Variants in TERT observed in about 807,000 individuals in gnomAD.
TERT encodes telomerase reverse transcriptase, also known as telomerase catalytic subunit.
In TERT, 42 loss-of-function variants were observed where a neutral mutation model predicts 104.0. That is an observed-to-expected ratio of 0.40 (90% CI 0.32 to 0.52). TERT has a LOEUF of 0.52. TERT is among the 20% of genes least tolerant of loss of function. The pLI is 0.43. For synonymous variants in TERT, 781 were observed against 725.6 expected (o/e 1.08, Z -1.23); for missense variants, 1,101 against 1,610.3 (o/e 0.68, Z 5.41).
rs1018793583 is a variant in TERT at position 1,294,495 on chromosome 5, G to A, written c.391C>T (p.Leu131=). Residue 131 remains leucine, a synonymous_variant, in exon 2 of 16, where the codon CTG becomes TTG. Transcript: ENST00000310581. The part of the protein sequence containing the change: ...SYLPNTVTDA[L]RGSGAWGLLL... ...AGCCCCCACGCCCCGCTCCCCCGCA[G>A]TGCGTCGGTCACCGTGTTGGGCAGG... 3 of 1,586,590 alleles carry A rather than the reference G, an allele frequency of 1.9e-6. No individual in the cohort carries two copies. Among genetic ancestry groups the A allele is most frequent in the Non-Finnish European group, 2.6e-6 (3 of 1,174,340 alleles).
Position 1,268,403 on chromosome 5 carries a change from T to C in TERT, c.2582+117A>G, listed in dbSNP as rs1373043768. 1.5e-5 allele frequency: 12 copies of C among 818,680 alleles called. No homozygotes were observed. The highest frequency in any genetic ancestry group is 2.0e-5 in the Non-Finnish European group (10 of 496,856). 50.7% of individuals were successfully genotyped at this position (818,680 alleles called of 1,614,324 possible). A position where few individuals can be genotyped will look rare whatever the true frequency, so the allele number is the denominator to read the frequency against. ...ATACCAAGAAGGGGCTGCAACCTTG[T>C]CTGGTTCCTCAAGACAGAGCAGTCA... On this transcript the variant is annotated intron_variant, in intron 9 of 15. Coordinates refer to ENST00000310581, the MANE Select transcript of TERT (RefSeq NM_198253.3). The surrounding 1 kb of genome is among the most constrained non-coding windows in gnomAD (Gnocchi z 5.5).
Position 1,294,685 on chromosome 5 carries a change from G to A in TERT, c.220-19C>T, listed in dbSNP as rs760786322. The A allele has an allele frequency of 3.8e-6, 6 of 1,589,534 alleles. No homozygotes were observed. The South Asian group carries it at 6.7e-5, about 18-fold the overall frequency. On this transcript the variant is annotated intron_variant, in intron 1 of 15. Coordinates refer to ENST00000310581, the MANE Select transcript of TERT (RefSeq NM_198253.3). Reference sequence around the variant, plus strand: ...AGGACACCTGCGGGGGAAGCGCCCTGAGTCGCCTGCGCTGCTCTCCGCATG... The same window carrying A: ...AGGACACCTGCGGGGGAAGCGCCCTAAGTCGCCTGCGCTGCTCTCCGCATG...
chr5:1,291,731 C>T (rs1302223496), intron 2 of TERT, among the ~76,000 whole-genome samples: 255 of 148,238 alleles, frequency 1.7e-3, no homozygotes, highest in Non-Finnish European at 1.7e-3. Context: ...CTGGGGGCAA[C>T]GCCTCACTCA....
In TERT at chr5:1,257,816, A is replaced by T. The variant is rs1480363556; in HGVS notation, c.3032+782T>A. ...GCAGCCTCGGCCCTGGGTAACACAA[A>T]TGCTCACACTCCTTCTCAGCCCTCA... On this transcript the variant is annotated intron_variant, in intron 13 of 15. Coordinates refer to ENST00000310581, the MANE Select transcript of TERT (RefSeq NM_198253.3). This position sits in a 1 kb window ranked among gnomAD's most constrained non-coding sequence, Gnocchi z 5.6. Among the ~76,000 whole-genome samples, 4 of 152,170 alleles carry T rather than the reference A, an allele frequency of 2.6e-5. No homozygotes were observed. The highest frequency in any genetic ancestry group is 5.9e-5 in the Non-Finnish European group (4 of 68,018).
At chr5:1,266,641 A>G (rs910996565) in intron 9 of TERT, 106 bp from the exon 10 acceptor site, 1 of 965,260 alleles carries the variant, frequency 1.0e-6, no homozygotes, top group East Asian at 2.6e-5. Context: ...TAAATAAAGT[A>G]ACATTCTCCA....
At chr5:1,258,837 G>A (rs1747949254) in intron 12 of TERT, among the ~76,000 whole-genome samples, 178 bp from the exon 13 acceptor site, 1 of 152,242 alleles carries the variant, frequency 6.6e-6, no homozygotes, top group South Asian at 2.1e-4. Context: ...GAACCACCCT[G>A]GGCGAGTCAA....
rs2126569131 is a variant in TERT at position 1,257,316 on chromosome 5, T to C, written c.3032+1282A>G. 6.6e-6 allele frequency among the ~76,000 whole-genome samples: 1 copy of C among 152,030 alleles called. No homozygotes were observed. The highest frequency in any genetic ancestry group is 1.9e-4 in the East Asian group (1 of 5,136). On this transcript the variant is annotated intron_variant, in intron 13 of 15. Transcript: ENST00000310581. The surrounding 1 kb of genome is among the most constrained non-coding windows in gnomAD (Gnocchi z 5.6). The stretch of plus-strand genomic sequence containing the variant: ...TGGGAGTTTCCCAGGAGTTTTCACC[T>C]GGGAAAACTCCTCTGACCTCATCAT...
chr5:1,281,924 C>T (rs2126648296), intron 3 of TERT, among the ~76,000 whole-genome samples: 1 of 152,168 alleles, frequency 6.6e-6, no homozygotes, highest in Non-Finnish European at 1.5e-5. Flanking sequence ...CCCGTCTCTC[C>T]TAAAAGTACA....
Position 1,292,506 on chromosome 5 carries a change from A to G in TERT, c.1573+807T>C, listed in dbSNP as rs1751056869. On this transcript the variant is annotated intron_variant, in intron 2 of 15. Transcript: ENST00000310581. The surrounding 1 kb of genome is among the most constrained non-coding windows in gnomAD (Gnocchi z 5.5). ...CCTCCCTCTACCCTGTCCTGGCACAATCAACGAACACTTTTTTTTTTTAAA... is the reference window on the plus strand; with the variant it reads ...CCTCCCTCTACCCTGTCCTGGCACAGTCAACGAACACTTTTTTTTTTTAAA... Among the ~76,000 whole-genome samples, 3 of 140,822 alleles carry G rather than the reference A, an allele frequency of 2.1e-5. No homozygotes were observed. The highest frequency in any genetic ancestry group is 7.7e-5 in the Admixed American group (1 of 13,024). The allele number at this position is 140,822 out of a possible 152,430, so 92.4% of individuals were successfully genotyped here. A position where few individuals can be genotyped will look rare whatever the true frequency, so the allele number is the denominator to read the frequency against.
chr5:1,264,320 C>A, intron 11 of TERT, 84 bp downstream of exon 11: 1 of 1,440,494 alleles, frequency 6.9e-7, no homozygotes, highest in Non-Finnish European at 9.4e-7. Flanking sequence ...CTGCCCCACA[C>A]GGAAGCAGAG....
rs978808687 is a variant in TERT, at chr5:1,282,479, G to C, written c.1719C>G (p.Leu573=). 1.2e-6 allele frequency: 2 copies of C among 1,614,064 alleles called. No individual in the cohort carries two copies. Among genetic ancestry groups the C allele is most frequent in the Admixed American group, 3.3e-5 (2 of 60,004 alleles). ...VTETTFQKNR[L]FFYRKSVWSK... is the part of the protein sequence containing the mutation. ...TCCAGACACTCTTCCGGTAGAAAAA[G>C]AGCCTGTTCTTTTGAAACGTGGTCT... Residue 573 remains leucine (L), a synonymous_variant, in exon 3 of 16, where the codon CTC becomes CTG. Transcript: ENST00000310581.
chr5:1,271,035 G>T, intron 8 of TERT, 84 bp downstream of exon 8: 1 of 1,121,116 alleles, frequency 8.9e-7, no homozygotes, highest in Non-Finnish European at 1.3e-6. Flanking sequence ...GGGCAGTGGG[G>T]AAGGGGCAGG....
rs747940807 is a variant in TERT at position 1,280,280 on chromosome 5, G to A, written c.1828C>T (p.Arg610Trp). Residue 610 changes from arginine (R) to tryptophan (W), a missense_variant, in exon 4 of 16, where the codon CGG becomes TGG. By Grantham distance (101) the Arg-to-Trp change is moderately radical (BLOSUM62 -3). This residue lies in a region of TERT where 463 missense variants were observed against 797.5 expected (regional missense o/e 0.58). Coordinates refer to ENST00000310581, the MANE Select transcript of TERT (RefSeq NM_198253.3). ...GTCAGCAGGGCGGGCCTGGCTTCCCGATGCTGCCTGACCTCTGCTTCCGAC... is the reference window on the plus strand; with the variant it reads ...GTCAGCAGGGCGGGCCTGGCTTCCCAATGCTGCCTGACCTCTGCTTCCGAC... ...ELSEAEVRQH[R>W]EARPALLTSR... 10 of 1,613,700 alleles carry A rather than the reference G, an allele frequency of 6.2e-6. No individual in the cohort carries two copies. The highest frequency in any genetic ancestry group is 3.3e-5 in the South Asian group (3 of 91,092).
Position 1,293,622 on chromosome 5 carries a change from C to G in TERT, c.1264G>C (p.Ala422Pro). The G allele has an allele frequency of 6.4e-7, 1 of 1,551,786 alleles. No homozygotes were observed. The highest frequency in any genetic ancestry group is 2.4e-5 in the East Asian group (1 of 41,322). ...HCPLRAAVTPAAGVCAREKPQ... is the reference protein window; with the variant it reads ...HCPLRAAVTPPAGVCAREKPQ... ...TTCTCCCGGGCACAGACACCGGCTGCTGGGGTGACCGCAGCTCGCAGCGGG... is the reference window on the plus strand; with the variant it reads ...TTCTCCCGGGCACAGACACCGGCTGGTGGGGTGACCGCAGCTCGCAGCGGG... The change falls in exon 2 of 16, where the codon GCA becomes CCA. Residue 422 changes from alanine to proline, a missense_variant. Physicochemically the swap from Ala to Pro is conservative, Grantham distance 27 (BLOSUM62 -1). Coordinates refer to ENST00000310581, the MANE Select transcript of TERT (RefSeq NM_198253.3).
At chr5:1,290,724 C>T (rs796225045) in intron 2 of TERT, among the ~76,000 whole-genome samples, 318 of 60,922 alleles carry the variant, frequency 5.2e-3, no homozygotes, top group Middle Eastern at 0.016. Context: ...CCGGGGACCG[C>T]GCCTCACTCA....
intron 6 of TERT, among the ~76,000 whole-genome samples, chr5:1,273,940 A>G (rs1362253697): frequency 6.6e-6 from 1 of 152,076 alleles, no homozygotes; most frequent in East Asian, 1.9e-4. Flanking sequence ...CACAGGCAGG[A>G]GAAGAGTCTG....
At position 1,255,897 on chromosome 5, in the gene TERT, G is replaced by A. The variant is rs1747696097; in HGVS notation, c.3033-486C>T. ...GTGGTGCATAAACCCTGGGTCTGGGGTGATGGTGTGAGGACCCATCATCTC... is the reference window on the plus strand; with the variant it reads ...GTGGTGCATAAACCCTGGGTCTGGGATGATGGTGTGAGGACCCATCATCTC... On this transcript the variant is annotated intron_variant, in intron 13 of 15. Coordinates refer to ENST00000310581, the MANE Select transcript of TERT (RefSeq NM_198253.3). The surrounding 1 kb of genome is among the most constrained non-coding windows in gnomAD (Gnocchi z 6.9). 6.6e-6 allele frequency among the ~76,000 whole-genome samples: 1 copy of A among 152,038 alleles called. No individual in the cohort carries two copies. Among genetic ancestry groups the A allele is most frequent in the Admixed American group, 6.5e-5 (1 of 15,272 alleles).
intron 3 of TERT, 26 bp downstream of exon 3, chr5:1,282,403 A>G: frequency 6.2e-7 from 1 of 1,611,796 alleles, no homozygotes; most frequent in Non-Finnish European, 8.5e-7. Context: ...TTCGAGAAGC[A>G]GAGGCCTGGC....
intron 2 of TERT, among the ~76,000 whole-genome samples, chr5:1,290,408 T>G (rs866945086): frequency 1.2e-4 from 6 of 48,610 alleles, no homozygotes; most frequent in Middle Eastern, 0.012. Flanking sequence ...ACCCTGCACG[T>G]GACAGGGACA....
Sources: gnomAD v4.1 joint callset for allele counts (sites outside exome capture counted in the v4.1 genomes callset) on GRCh38, gnomAD v4.1.1 for gene constraint, gnomAD v4.1.1 regional missense constraint, Gnocchi (gnomAD v3.1) non-coding constraint, MANE v1.5 for transcripts, NCBI Gene and HGNC (gene_info 2026-07-23, HGNC 2026-07-21) for gene names.